LRRC8C: variants seen among roughly 807,000 people sequenced by gnomAD.
The protein encoded by LRRC8C is volume-regulated anion channel subunit LRRC8C.
Under a neutral mutation model 55.3 loss-of-function variants are expected in LRRC8C, and 20 were observed. That is an observed-to-expected ratio of 0.36 (90% CI 0.25 to 0.53). LRRC8C has a LOEUF of 0.53. Ranked by LOEUF, LRRC8C falls within the 20% of genes least tolerant of loss-of-function variation. The pLI, the probability that LRRC8C is intolerant of heterozygous loss-of-function variation, is 0.92. For synonymous variants in LRRC8C, 376 were observed against 360.7 expected, an observed-to-expected ratio of 1.04 and a Z score of -0.48; for missense variants, 659 against 951.4, an observed-to-expected ratio of 0.69 and a Z score of 4.04.
intron 2 of LRRC8C, among the ~76,000 whole-genome samples, chr1:89,700,805 G>T (rs1658295993): frequency 6.6e-6 from 1 of 152,100 alleles, no homozygotes; most frequent in South Asian, 2.1e-4. Context: ...CCTTTTTGTG[G>T]CTCCACTCTA....
the LRRC8C span, among the ~76,000 whole-genome samples, chr1:89,621,301 A>T: frequency 7.2e-5 from 3 of 41,910 alleles, no homozygotes; most frequent in East Asian, 5.0e-3. Context: ...TCTACTAAAA[A>T]AAAAAAAAAA....
chr1:89,698,432 G>C (rs942744216), intron 2 of LRRC8C, among the ~76,000 whole-genome samples: 10 of 152,002 alleles, frequency 6.6e-5, no homozygotes, highest in Admixed American at 1.3e-4. Context: ...AGAGCTTACT[G>C]GTCCTTATAC....
At chr1:89,630,113 G>A (rs1656068385), upstream of LRRC8C, among the ~76,000 whole-genome samples, 1 of 152,090 alleles carries the variant, frequency 6.6e-6, no homozygotes, top group Admixed American at 6.6e-5. Context: ...GGAAGTTGCA[G>A]TCAGCGAGAT....
intron 2 of LRRC8C, among the ~76,000 whole-genome samples, chr1:89,690,774 A>G (rs1304659534): frequency 6.6e-6 from 1 of 152,066 alleles, no homozygotes; most frequent in African/African-American, 2.4e-5. Flanking sequence ...TCTACAGTCC[A>G]GAAGGCTTTT....
chr1:89,682,746 T>C (rs545737013), intron 1 of LRRC8C, among the ~76,000 whole-genome samples: 1 of 152,384 alleles, frequency 6.6e-6, no homozygotes, highest in African/African-American at 2.4e-5. Context: ...ACTGTTTTAA[T>C]AACTTTCAAC....
intron 1 of LRRC8C, among the ~76,000 whole-genome samples, chr1:89,659,165 A>C (rs1291234555): frequency 1.3e-5 from 2 of 149,814 alleles, no homozygotes; most frequent in African/African-American, 4.9e-5. Context: ...GGGCTCAAGC[A>C]GTCCTCCTGC....
At chr1:89,701,869 A>T (rs960281754) in intron 2 of LRRC8C, among the ~76,000 whole-genome samples, 1 of 152,206 alleles carries the variant, frequency 6.6e-6, no homozygotes, top group African/African-American at 2.4e-5. Context: ...GTCTGAATCA[A>T]TTGCTGGGCT....
intron 2 of LRRC8C, among the ~76,000 whole-genome samples, chr1:89,691,483 G>A (rs1332106765): frequency 6.6e-6 from 1 of 152,130 alleles, no homozygotes; most frequent in African/African-American, 2.4e-5. Flanking sequence ...TCCTGCAATC[G>A]GTGGGACATT....
intron 1 of LRRC8C, among the ~76,000 whole-genome samples, chr1:89,637,686 C>T (rs1656328645): frequency 6.6e-6 from 1 of 152,172 alleles, no homozygotes; most frequent in South Asian, 2.1e-4. Context: ...AGGGCCAGCA[C>T]AGAGCAACAA....
chr1:89,713,794 A>G lies in LRRC8C; in HGVS notation c.1224A>G (p.Glu408=), dbSNP rs146636215. 5 of 1,614,068 alleles carry G rather than the reference A, an allele frequency of 3.1e-6. No homozygotes were observed. The African/African-American group carries it at 4.0e-5, about 13-fold the overall frequency. The change falls in exon 3 of 3, where the codon GAA becomes GAG. Residue 408 remains glutamate (E), a synonymous_variant. Transcript: ENST00000370454. The surrounding 1 kb of genome is among the most constrained non-coding windows in gnomAD (Gnocchi z 5.2). ...NKLKQLNLNN[E]WTPDKLRQKL... ...TAAAGCAGCTGAACTTAAATAACGA[A>G]TGGACTCCTGATAAACTGAGGCAGA...
intron 1 of LRRC8C, among the ~76,000 whole-genome samples, chr1:89,677,210 A>T (rs1329726434): frequency 1.3e-5 from 2 of 152,254 alleles, no homozygotes; most frequent in Non-Finnish European, 2.9e-5. Flanking sequence ...TTAGAAAAAT[A>T]GGTTAAGCTC....
At chr1:89,661,309 G>T (rs1398516495) in intron 1 of LRRC8C, 11 of 354,274 alleles carry the variant, frequency 3.1e-5, no homozygotes, top group Non-Finnish European at 1.1e-5. Flanking sequence ...CAGGGCTCTG[G>T]ATTATTCTTT....
At chr1:89,625,855 T>C in the LRRC8C span, among the ~76,000 whole-genome samples, 1 of 152,204 alleles carries the variant, frequency 6.6e-6, no homozygotes, top group African/African-American at 2.4e-5. Flanking sequence ...GGCAATTCAA[T>C]GTTAAGTTGT....
chr1:89,708,979 G>T (rs779936628), intron 2 of LRRC8C, among the ~76,000 whole-genome samples: 4 of 152,166 alleles, frequency 2.6e-5, no homozygotes, highest in Non-Finnish European at 4.4e-5. Flanking sequence ...TCGTTTCTGG[G>T]TGATTAACAG....
chr1:89,646,123 C>T (rs539563331), intron 1 of LRRC8C, among the ~76,000 whole-genome samples: 4 of 151,862 alleles, frequency 2.6e-5, no homozygotes, highest in Middle Eastern at 3.4e-3. Flanking sequence ...TAAATGAAAT[C>T]GAAATCAGAT....
At chr1:89,630,364 A>G (rs1656074163), upstream of LRRC8C, among the ~76,000 whole-genome samples, 1 of 152,186 alleles carries the variant, frequency 6.6e-6, no homozygotes, top group Non-Finnish European at 1.5e-5. Context: ...TACAAGATTT[A>G]AGCCCAGACC....
In LRRC8C at chr1:89,716,275, T is replaced by A. The variant is rs569851633; in HGVS notation, c.*1293T>A. Reference sequence around the variant, plus strand: ...CAAGGATTTTGAACATCCTCAGATTTTGGTGTTCGAGGGCATCCTGGAATC... The same window carrying A: ...CAAGGATTTTGAACATCCTCAGATTATGGTGTTCGAGGGCATCCTGGAATC... On this transcript the variant is annotated 3_prime_UTR_variant, in exon 3 of 3. Transcript: ENST00000370454. 1 of 152,182 alleles carries A rather than the reference T, an allele frequency of 6.6e-6. No individual in the cohort carries two copies. The highest frequency in any genetic ancestry group is 1.5e-5 in the Non-Finnish European group (1 of 68,018). The allele number at this position is 152,182 out of a possible 1,614,324, so 9.4% of individuals were successfully genotyped here.
rs1399830050 is a variant in LRRC8C, at chr1:89,718,993, G to C, written c.*4011G>C. ...GATTTTATAAGATTTAGGCCTCAGT[G>C]ACATGCTCCTGAAAGTTTCCTGCCA... On this transcript the variant is annotated 3_prime_UTR_variant, in exon 3 of 3. Transcript: ENST00000370454. The C allele has an allele frequency of 1.3e-5, 2 of 152,114 alleles. No individual in the cohort carries two copies. The highest frequency in any genetic ancestry group is 4.8e-5 in the African/African-American group (2 of 41,390). The allele number at this position is 152,114 out of a possible 1,614,324, so 9.4% of individuals were successfully genotyped here.
chr1:89,645,894 A>T (rs1656597566), intron 1 of LRRC8C, among the ~76,000 whole-genome samples: 1 of 152,116 alleles, frequency 6.6e-6, no homozygotes, highest in African/African-American at 2.4e-5. Context: ...ATAGCATTGA[A>T]ATTAATGGGA....
Sources: gnomAD v4.1 joint callset for allele counts (sites outside exome capture counted in the v4.1 genomes callset) on GRCh38, gnomAD v4.1.1 for gene constraint, Gnocchi (gnomAD v3.1) non-coding constraint, MANE v1.5 for transcripts, NCBI Gene and HGNC (gene_info 2026-07-23, HGNC 2026-07-21) for gene names.